Variants in GLIS3 observed in about 807,000 individuals in gnomAD.
GLIS3 encodes the protein zinc finger protein GLIS3.
GLIS3 carries 53 observed loss-of-function variants against 78.6 expected under a neutral mutation model. That is an observed-to-expected ratio of 0.67 (90% CI 0.54 to 0.85). The LOEUF (loss-of-function observed/expected upper bound fraction) is 0.85. Among genes scored for constraint, GLIS3 ranks in the 40% least tolerant of loss-of-function variants. The pLI is 0.00. For synonymous variants in GLIS3, 684 were observed against 509.9 expected (o/e 1.34, Z -4.60); for missense variants, 1,703 against 1,231.1 (o/e 1.38, Z -5.74).
chr9:4,378,731 A>G, the GLIS3 span, among the ~76,000 whole-genome samples: 1 of 152,182 alleles, frequency 6.6e-6, no homozygotes, highest in African/African-American at 2.4e-5. Context: ...AAAGGCACAT[A>G]TTATTTCTTG....
chr9:4,443,319 T>C, the GLIS3 span, among the ~76,000 whole-genome samples: 1 of 152,246 alleles, frequency 6.6e-6, no homozygotes, highest in African/African-American at 2.4e-5. Flanking sequence ...TTTCTGTCCA[T>C]GTCTGCATTA....
chr9:4,464,610 G>C, the GLIS3 span, among the ~76,000 whole-genome samples: 2 of 152,006 alleles, frequency 1.3e-5, no homozygotes, highest in African/African-American at 2.4e-5. Context: ...GGCCAGGCTG[G>C]TTTTGAACTC....
At chr9:4,402,924 T>A in the GLIS3 span, among the ~76,000 whole-genome samples, 91 of 152,138 alleles carry the variant, frequency 6.0e-4, 1 homozygote, top group South Asian at 0.013. Context: ...ACAGAGAACT[T>A]CCCAAACCTA....
chr9:4,431,377 G>C, the GLIS3 span, among the ~76,000 whole-genome samples: 2 of 152,192 alleles, frequency 1.3e-5, no homozygotes, highest in African/African-American at 4.8e-5. Flanking sequence ...GGAGATTTTG[G>C]TGTATTAACA....
At chr9:4,283,193 G>C (rs1827704977) in intron 2 of GLIS3, among the ~76,000 whole-genome samples, 1 of 151,894 alleles carries the variant, frequency 6.6e-6, no homozygotes, top group Non-Finnish European at 1.5e-5. Context: ...CACAGGCCAG[G>C]AACCCTTCTA....
intron 10 of GLIS3, 130 bp from the exon 11 acceptor site, chr9:3,828,538 C>T: frequency 8.6e-7 from 1 of 1,165,848 alleles, no homozygotes; most frequent in Non-Finnish European, 1.2e-6. Context: ...CAGCCTGGGC[C>T]CTATAGTGAG....
At chr9:3,965,252 G>A (rs1817856990) in intron 4 of GLIS3, among the ~76,000 whole-genome samples, 1 of 134,370 alleles carries the variant, frequency 7.4e-6, no homozygotes, top group African/African-American at 2.9e-5. Context: ...GGAGTGCAGT[G>A]GCGTGATCTC....
chr9:4,047,272 G>C (rs191763580), intron 4 of GLIS3, among the ~76,000 whole-genome samples: 1 of 152,208 alleles, frequency 6.6e-6, no homozygotes, highest in Admixed American at 6.5e-5. Flanking sequence ...TAAGTTTCCT[G>C]AGGCCACCCC....
At chr9:3,931,732 A>G (rs1825634421) in intron 6 of GLIS3, among the ~76,000 whole-genome samples, 1 of 152,194 alleles carries the variant, frequency 6.6e-6, no homozygotes, top group African/African-American at 2.4e-5. Context: ...GGTCTCTAAC[A>G]TTTCTTCCAA....
chr9:4,076,032 T>C (rs990327534), intron 4 of GLIS3, among the ~76,000 whole-genome samples: 1 of 152,228 alleles, frequency 6.6e-6, no homozygotes, highest in Non-Finnish European at 1.5e-5. Flanking sequence ...AAATGTTCCA[T>C]ATATTGACTG....
At chr9:4,379,925 A>G in the GLIS3 span, among the ~76,000 whole-genome samples, 23 of 151,724 alleles carry the variant, frequency 1.5e-4, 1 homozygote, top group Admixed American at 5.3e-4. Context: ...CATCAAACCA[A>G]AAAAAAAGGA....
intron 4 of GLIS3, among the ~76,000 whole-genome samples, chr9:4,078,848 G>T (rs1490289326): frequency 6.6e-6 from 1 of 152,138 alleles, no homozygotes; most frequent in South Asian, 2.1e-4. Context: ...CTCAGAGAGG[G>T]CATTGGATCA....
chr9:3,850,382 A>G (rs1044439082), intron 9 of GLIS3, among the ~76,000 whole-genome samples: 2 of 152,246 alleles, frequency 1.3e-5, no homozygotes, highest in Admixed American at 1.3e-4. Context: ...TCTGGACAGC[A>G]GCTAGGCTGA....
At chr9:4,169,496 T>C (rs1194633699) in intron 2 of GLIS3, among the ~76,000 whole-genome samples, 2 of 152,216 alleles carry the variant, frequency 1.3e-5, no homozygotes, top group East Asian at 1.9e-4. Flanking sequence ...CTTTAAACAC[T>C]ACGCTTGTGA....
intron 9 of GLIS3, among the ~76,000 whole-genome samples, chr9:3,837,819 A>G (rs1050489155): frequency 3.9e-5 from 6 of 152,318 alleles, no homozygotes; most frequent in African/African-American, 1.4e-4. Context: ...GTATGATGCT[A>G]CCATGGTGGA....
intron 2 of GLIS3, among the ~76,000 whole-genome samples, chr9:4,143,209 A>G (rs1833938989): frequency 6.6e-6 from 1 of 152,040 alleles, no homozygotes; most frequent in Non-Finnish European, 1.5e-5. Flanking sequence ...ATAACCTTAC[A>G]TGGTTACCTT....
chr9:3,956,836 C>G (rs866417421), intron 4 of GLIS3, among the ~76,000 whole-genome samples: 2 of 152,262 alleles, frequency 1.3e-5, no homozygotes, highest in South Asian at 4.1e-4. Context: ...TCTTTTGCAG[C>G]TTCACTGACA....
chr9:3,942,809 A>T (rs759062787), intron 4 of GLIS3, among the ~76,000 whole-genome samples: 15 of 152,350 alleles, frequency 9.8e-5, no homozygotes, highest in Admixed American at 3.9e-4. Flanking sequence ...TTTGAGCAGC[A>T]ACATTCTAGG....
intron 2 of GLIS3, among the ~76,000 whole-genome samples, chr9:4,151,748 G>C (rs778912482): frequency 6.6e-6 from 1 of 152,128 alleles, no homozygotes; most frequent in Non-Finnish European, 1.5e-5. Context: ...CTATGAGTTT[G>C]GATAGAGTCC....
Sources: allele counts gnomAD v4.1 joint callset (sites outside exome capture counted in the v4.1 genomes callset), GRCh38; gene constraint gnomAD v4.1.1; transcripts MANE v1.5; gene names NCBI Gene and HGNC (gene_info 2026-07-23, HGNC 2026-07-21).